The following BMP6 variants were observed in gnomAD, a reference collection of about 807,000 sequenced individuals.
BMP6 encodes the protein VG-1-R.
BMP6 carries 17 observed loss-of-function variants against 54.1 expected under a neutral mutation model. The observed-to-expected ratio is 0.31, with a 90% CI of 0.22 to 0.47. The LOEUF (loss-of-function observed/expected upper bound fraction) is 0.47, where lower values mean the gene tolerates loss of function less well. Among genes scored for constraint, BMP6 ranks in the 20% least tolerant of loss-of-function variants. BMP6 has a pLI of 1.00. For synonymous variants in BMP6, 328 were observed against 291.2 expected (o/e 1.13, Z -1.28); for missense variants, 720 against 690.4 (o/e 1.04, Z -0.48).
At chr6:7,843,779 C>A (rs998773837) in intron 1 of BMP6, among the ~76,000 whole-genome samples, 2 of 152,170 alleles carry the variant, frequency 1.3e-5, no homozygotes, top group African/African-American at 4.8e-5. Context: ...ACTTTTCTCA[C>A]ACAGGACTTT....
At chr6:7,845,370 C>A (rs758832994) in intron 2 of BMP6, 38 bp downstream of exon 2, 172 of 1,556,542 alleles carry the variant, frequency 1.1e-4, no homozygotes, top group Non-Finnish European at 1.5e-4. Flanking sequence ...GTGGGGCTGG[C>A]CCCTGTTTCC....
chr6:7,872,887 A>G (rs749172820), intron 4 of BMP6, among the ~76,000 whole-genome samples: 1 of 144,850 alleles, frequency 6.9e-6, no homozygotes, highest in African/African-American at 2.6e-5. Flanking sequence ...ATCAGGGCTC[A>G]TTGCAGCTTC....
At chr6:7,735,812 T>C (rs1329472209) in intron 1 of BMP6, among the ~76,000 whole-genome samples, 4 of 152,234 alleles carry the variant, frequency 2.6e-5, no homozygotes, top group Non-Finnish European at 4.4e-5. Context: ...TCTGTGGATT[T>C]GGACAAATGT....
chr6:7,731,800 A>G (rs116259305), intron 1 of BMP6, among the ~76,000 whole-genome samples: 2,522 of 152,344 alleles, frequency 0.017, 65 homozygotes, highest in African/African-American at 0.058. Flanking sequence ...AGTCACCCAT[A>G]TGTATATTAA....
intron 1 of BMP6, among the ~76,000 whole-genome samples, chr6:7,793,830 G>C (rs1460775916): frequency 6.6e-6 from 1 of 152,152 alleles, no homozygotes; most frequent in Non-Finnish European, 1.5e-5. Flanking sequence ...AGATATCCAC[G>C]GGCTGTCAGT....
intron 1 of BMP6, among the ~76,000 whole-genome samples, chr6:7,747,040 C>T (rs371595490): frequency 9.2e-5 from 14 of 152,166 alleles, no homozygotes; most frequent in Non-Finnish European, 1.5e-4. Context: ...ACCTTCTGAA[C>T]GAATCCCATA....
intron 1 of BMP6, among the ~76,000 whole-genome samples, chr6:7,835,477 C>G (rs1453953961): frequency 6.6e-6 from 1 of 152,192 alleles, no homozygotes; most frequent in South Asian, 2.1e-4. Flanking sequence ...CCTGTTGTTC[C>G]TCTGCAGTGG....
At chr6:7,735,963 T>C (rs564478251) in intron 1 of BMP6, among the ~76,000 whole-genome samples, 3 of 152,026 alleles carry the variant, frequency 2.0e-5, no homozygotes, top group African/African-American at 7.2e-5. Flanking sequence ...ATACGCAGAG[T>C]TCGGGGAAAG....
chr6:7,831,215 T>A (rs981619615), intron 1 of BMP6, among the ~76,000 whole-genome samples: 1 of 152,182 alleles, frequency 6.6e-6, no homozygotes, highest in Non-Finnish European at 1.5e-5. Flanking sequence ...TCACATGTTG[T>A]GTGATTGTTT....
rs895160763 is a variant in BMP6 at position 7,879,991 on chromosome 6, G to A, written c.1282G>A (p.Asp428Asn). Residue 428 changes from aspartate to asparagine, a missense_variant and splice_region_variant, in exon 6 of 7, where the codon GAC (aspartate) becomes AAC (asparagine). Transcript: ENST00000283147. ...YVSFQDLGWQ[D>N]WIIAPKGYAA... is the part of the protein sequence containing the mutation. The stretch of plus-strand genomic sequence containing the variant: ...GTTGCTTCCTTTGCATGAAATTAAG[G>A]ACTGGATCATTGCACCCAAGGGCTA... 5.6e-6 allele frequency: 9 copies of A among 1,613,608 alleles called. No individual in the cohort carries two copies. The highest frequency in any genetic ancestry group is 6.8e-6 in the Non-Finnish European group (8 of 1,179,654).
intron 1 of BMP6, 73 bp from the exon 2 acceptor site, chr6:7,845,067 A>G (rs961984376): frequency 7.3e-7 from 1 of 1,368,048 alleles, no homozygotes; most frequent in Admixed American, 2.0e-5. Flanking sequence ...TCAAACGGGG[A>G]AACTGGTGAG....
intron 1 of BMP6, among the ~76,000 whole-genome samples, chr6:7,733,300 ATT>A (rs1327385832): frequency 5.9e-5 from 9 of 152,228 alleles, no homozygotes; most frequent in African/African-American, 1.4e-4. Flanking sequence ...TCTGTTCAGA[ATT>A]TTAGTCATTT....
At chr6:7,768,374 G>C (rs1412576999) in intron 1 of BMP6, among the ~76,000 whole-genome samples, 2 of 152,220 alleles carry the variant, frequency 1.3e-5, no homozygotes, top group East Asian at 3.9e-4. Flanking sequence ...TCGCCACTTA[G>C]GATTCAAGGT....
chr6:7,758,177 T>C (rs942862329), intron 1 of BMP6, among the ~76,000 whole-genome samples: 9 of 152,212 alleles, frequency 5.9e-5, no homozygotes, highest in Non-Finnish European at 7.3e-5. Context: ...GCATATTGCC[T>C]TATGTTATAG....
rs1759703097 is a variant in BMP6 at position 7,880,632 on chromosome 6, C to G, written c.*289C>G. 1 of 430,954 alleles carries G rather than the reference C, an allele frequency of 2.3e-6. No individual in the cohort carries two copies. The highest frequency in any genetic ancestry group is 3.7e-5 in the Admixed American group (1 of 27,142). 26.7% of individuals were successfully genotyped at this position (430,954 alleles called of 1,614,324 possible). On this transcript the variant is annotated 3_prime_UTR_variant, in exon 7 of 7. Coordinates refer to ENST00000283147, the MANE Select transcript of BMP6 (RefSeq NM_001718.6). Reference sequence around the variant, plus strand: ...TGAAGCTCTTCCTACCCTCCTCCCCCAAAAACCCACCAAAATTAGTTTTAG... The same window carrying G: ...TGAAGCTCTTCCTACCCTCCTCCCCGAAAAACCCACCAAAATTAGTTTTAG...
chr6:7,822,267 G>T (rs1375736214), intron 1 of BMP6, among the ~76,000 whole-genome samples: 1 of 152,190 alleles, frequency 6.6e-6, no homozygotes, highest in South Asian at 2.1e-4. Context: ...TGATCTGCCC[G>T]CCTTGGCCTC....
intron 1 of BMP6, among the ~76,000 whole-genome samples, chr6:7,818,037 T>G (rs1045511447): frequency 1.3e-5 from 2 of 152,228 alleles, no homozygotes; most frequent in African/African-American, 4.8e-5. Flanking sequence ...ACTGGATACT[T>G]GAAAACTTTT....
At chr6:7,763,958 T>C (rs1180132651) in intron 1 of BMP6, among the ~76,000 whole-genome samples, 1 of 152,210 alleles carries the variant, frequency 6.6e-6, no homozygotes, top group Non-Finnish European at 1.5e-5. Context: ...CAAGCGTATG[T>C]GTCCTGCGTT....
chr6:7,803,249 G>A (rs1758299018), intron 1 of BMP6, among the ~76,000 whole-genome samples: 1 of 152,114 alleles, frequency 6.6e-6, no homozygotes, highest in African/African-American at 2.4e-5. Context: ...GTCAAGAGCA[G>A]TGGGACAGGT....
Sources: gnomAD v4.1 joint callset for allele counts (sites outside exome capture counted in the v4.1 genomes callset) on GRCh38, gnomAD v4.1.1 for gene constraint, MANE v1.5 for transcripts, NCBI Gene and HGNC (gene_info 2026-07-23, HGNC 2026-07-21) for gene names.